Variants in ITGB2 observed in about 807,000 individuals in gnomAD.
ITGB2 encodes the protein integrin beta-2.
In ITGB2, 56 loss-of-function variants were observed where a neutral mutation model predicts 86.8. That is an observed-to-expected ratio of 0.65 (90% CI 0.52 to 0.81). The LOEUF is 0.81. Among genes scored for constraint, ITGB2 ranks in the 30% least tolerant of loss-of-function variants. ITGB2 has a pLI of 0.00. For synonymous variants in ITGB2, 457 were observed against 450.4 expected (o/e 1.01, Z -0.19); for missense variants, 948 against 1,061.2 (o/e 0.89, Z 1.48).
intron 1 of ITGB2, among the ~76,000 whole-genome samples, chr21:44,918,811 C>T (rs2084248945): frequency 6.6e-6 from 1 of 152,220 alleles, no homozygotes; most frequent in Non-Finnish European, 1.5e-5. Flanking sequence ...GAGTGTCCAG[C>T]TGCCTGGGCA....
At chr21:44,902,189 C>T (rs909294031) in intron 5 of ITGB2, among the ~76,000 whole-genome samples, 5 of 152,166 alleles carry the variant, frequency 3.3e-5, no homozygotes, top group Admixed American at 3.3e-4. Flanking sequence ...CATATGTGGG[C>T]ATGTGTGTTT....
intron 2 of ITGB2, 64 bp from the exon 3 acceptor site, chr21:44,910,436 G>A (rs1310707157): frequency 6.2e-7 from 1 of 1,611,348 alleles, no homozygotes; most frequent in Non-Finnish European, 8.5e-7. Flanking sequence ...CCAAGGGGGA[G>A]TAGAGCAGGA....
intron 4 of ITGB2, among the ~76,000 whole-genome samples, chr21:44,905,340 C>G (rs940902388): frequency 1.3e-5 from 2 of 152,170 alleles, no homozygotes; most frequent in Admixed American, 6.5e-5. Context: ...CCCGAGCTCA[C>G]CTGTGCCCTC....
Position 44,888,885 on chromosome 21 carries a change from C to G in ITGB2, c.1888G>C (p.Glu630Gln). 1 of 1,605,302 alleles carries G rather than the reference C, an allele frequency of 6.2e-7. No individual in the cohort carries two copies. The highest frequency in any genetic ancestry group is 2.2e-5 in the East Asian group (1 of 44,856). ...SPCGKYISCA[E>Q]CLKFEKGPFG... ...GGGCCCTTTTCGAACTTCAGGCACT[C>G]GGCGCAGGAGCTGCGGGGAGCCAGG... Residue 630 changes from glutamate to glutamine, a missense_variant, in exon 14 of 16, where the codon GAG becomes CAG. By Grantham distance (29) the Glu-to-Gln change is conservative. Transcript: ENST00000652462.
At chr21:44,891,754 T>C (rs2083787886) in intron 11 of ITGB2, 55 bp downstream of exon 11, 1 of 1,580,742 alleles carries the variant, frequency 6.3e-7, no homozygotes, top group Admixed American at 1.7e-5. Flanking sequence ...TGCCGACACC[T>C]GCCCTGTGGG....
chr21:44,905,780 C>T (rs62221525), intron 4 of ITGB2, among the ~76,000 whole-genome samples: 30,936 of 152,024 alleles, frequency 0.2, 3,264 homozygotes, highest in Admixed American at 0.25. Context: ...TCCCCAATGG[C>T]TCGGCCCCAT....
At chr21:44,911,705 G>T (rs928188631) in intron 1 of ITGB2, among the ~76,000 whole-genome samples, 3 of 152,162 alleles carry the variant, frequency 2.0e-5, no homozygotes, top group African/African-American at 7.2e-5. Flanking sequence ...CTTAACCCAC[G>T]CATCCACAGC....
intron 4 of ITGB2, among the ~76,000 whole-genome samples, chr21:44,905,333 G>A (rs915354367): frequency 3.9e-5 from 6 of 152,036 alleles, no homozygotes; most frequent in African/African-American, 9.7e-5. Flanking sequence ...GCATCCACCC[G>A]AGCTCACCTG....
intron 8 of ITGB2, among the ~76,000 whole-genome samples, chr21:44,898,251 A>G (rs2083897046): frequency 6.6e-6 from 1 of 152,150 alleles, no homozygotes; most frequent in Non-Finnish European, 1.5e-5. Context: ...TGTTCTGTGC[A>G]TGAGGCCACA....
chr21:44,888,885 C>T lies in ITGB2; in HGVS notation c.1888G>A (p.Glu630Lys), dbSNP rs2230531. 6.3e-3 allele frequency: 10,154 copies of T among 1,605,294 alleles called. 58 individuals are homozygous for T. Among genetic ancestry groups the T allele is most frequent in the Non-Finnish European group, 7.3e-3 (8,609 of 1,179,832 alleles). ...GGGCCCTTTTCGAACTTCAGGCACT[C>T]GGCGCAGGAGCTGCGGGGAGCCAGG... ...SPCGKYISCA[E>K]CLKFEKGPFG... is the part of the protein sequence containing the mutation. Residue 630 changes from glutamate to lysine, a missense_variant, in exon 14 of 16, where the codon GAG becomes AAG. Physicochemically the swap from Glu to Lys is moderately conservative, Grantham distance 56. Transcript: ENST00000652462.
At chr21:44,916,587 G>T (rs78754053) in intron 1 of ITGB2, among the ~76,000 whole-genome samples, 6 of 151,996 alleles carry the variant, frequency 3.9e-5, no homozygotes, top group African/African-American at 1.4e-4. Flanking sequence ...CTAAGGGGAG[G>T]CCGGGCATGG....
At chr21:44,887,642 C>A (rs933591973) in intron 14 of ITGB2, among the ~76,000 whole-genome samples, 7 of 152,166 alleles carry the variant, frequency 4.6e-5, no homozygotes, top group African/African-American at 1.7e-4. Flanking sequence ...CCCCGTGCCC[C>A]CTCCTGCCAT....
chr21:44,922,658 G>GAAAAAAAAA (rs10532717), upstream of ITGB2, among the ~76,000 whole-genome samples: 2 of 114,706 alleles, frequency 1.7e-5, no homozygotes. Context: ...GGGTAACTGA[G>GAAAAAAAAA]AAAAAAAAAA....
At position 44,886,897 on chromosome 21, in the gene ITGB2, C is replaced by G; in HGVS notation, c.2086G>C (p.Val696Leu). 6.2e-7 allele frequency: 1 copy of G among 1,612,976 alleles called. No individual in the cohort carries two copies. The highest frequency in any genetic ancestry group is 8.5e-7 in the Non-Finnish European group (1 of 1,180,006). ...LIYVDESREC[V>L]AGPNIAAIVG... ...ATGGCGGCGATGTTGGGGCCTGCCA[C>G]ACACTCTAGGGAAGAAGCAGCACAC... Residue 696 changes from valine (V) to leucine (L), a missense_variant, in exon 15 of 16, where the codon GTG becomes CTG. Coordinates refer to ENST00000652462, the MANE Select transcript of ITGB2 (RefSeq NM_000211.5).
intron 8 of ITGB2, among the ~76,000 whole-genome samples, chr21:44,897,931 A>G (rs55678595): frequency 0.22 from 33,666 of 152,076 alleles, 4,168 homozygotes; most frequent in East Asian, 0.42. Flanking sequence ...TCCCTGTTAC[A>G]CAGTCAGGGC....
At chr21:44,909,559 G>T (rs2084097748) in intron 3 of ITGB2, 1 of 152,340 alleles carries the variant, frequency 6.6e-6, no homozygotes, top group African/African-American at 2.4e-5. Context: ...GGAGATTTGG[G>T]GCCTGAGATG....
At chr21:44,922,823 TCAA>T (rs2084325816), upstream of ITGB2, 1 of 152,186 alleles carries the variant, frequency 6.6e-6, no homozygotes, top group Non-Finnish European at 1.5e-5. Flanking sequence ...TTGTTTTAAA[TCAA>T]CAAGGTCTTG....
At chr21:44,928,391 C>T (rs921216090) in intron 1 of ITGB2, 3 of 152,258 alleles carry the variant, frequency 2.0e-5, no homozygotes, top group Non-Finnish European at 4.4e-5. Flanking sequence ...AATTCCAGTC[C>T]GTCCACATGG....
chr21:44,888,901 G>T lies in ITGB2; in HGVS notation c.1878-6C>A, dbSNP rs746956193. 3 of 1,602,736 alleles carry T rather than the reference G, an allele frequency of 1.9e-6. No homozygotes were observed. Among genetic ancestry groups the T allele is most frequent in the Non-Finnish European group, 1.7e-6 (2 of 1,179,764 alleles). ...TCAGGCACTCGGCGCAGGAGCTGCG[G>T]GGAGCCAGGTGTGAGCATCGGTGCC... is the stretch of plus-strand genomic sequence containing the variant. On this transcript the variant is annotated splice_region_variant and splice_polypyrimidine_tract_variant and intron_variant, in intron 13 of 15. Coordinates refer to ENST00000652462, the MANE Select transcript of ITGB2 (RefSeq NM_000211.5).
Sources: gnomAD v4.1 joint callset for allele counts (sites outside exome capture counted in the v4.1 genomes callset) on GRCh38, gnomAD v4.1.1 for gene constraint, MANE v1.5 for transcripts, NCBI Gene and HGNC (gene_info 2026-07-23, HGNC 2026-07-21) for gene names.